Variants in ACAA1 observed in about 807,000 individuals in gnomAD.
The protein encoded by ACAA1 is 3-ketoacyl-CoA thiolase, peroxisomal.
A neutral mutation model predicts 48.8 loss-of-function variants in ACAA1; 44 were observed. The ratio of observed to expected loss-of-function variants is 0.90; its 90% CI spans 0.71 to 1.16. The LOEUF (loss-of-function observed/expected upper bound fraction) is 1.16, where lower values mean the gene tolerates loss of function less well. Ranked by LOEUF, ACAA1 falls within the 50% of genes most tolerant of loss-of-function variation. The pLI, the probability that ACAA1 is intolerant of heterozygous loss-of-function variation, is 0.00. For synonymous variants in ACAA1, 233 were observed against 226.5 expected (o/e 1.03, Z -0.26); for missense variants, 512 against 562.3 (o/e 0.91, Z 0.90).
In ACAA1 at chr3:38,136,952, G is replaced by C. The variant is rs768053072; in HGVS notation, c.84C>G (p.Ser28Arg). The change falls in exon 1 of 12, where the codon AGC (serine) becomes AGG (arginine). Residue 28 changes from serine (S) to arginine (R), a missense_variant. Transcript: ENST00000333167. ...CCGCGGCCGAGGCCTGCGGGGCACC[G>C]CTCAGGCAAGGCGCGGCCTGCGGCA... ...GWMPQAAPCL[S>R]GAPQASAADV... 6.5e-6 allele frequency: 10 copies of C among 1,547,828 alleles called. No individual in the cohort carries two copies. The highest frequency in any genetic ancestry group is 1.4e-5 in the African/African-American group (1 of 72,364).
intron 3 of ACAA1, chr3:38,132,213 C>T (rs1412193796): frequency 2.4e-6 from 1 of 416,086 alleles, no homozygotes; most frequent in African/African-American, 2.0e-5. Flanking sequence ...CACTTGCTCC[C>T]CAGGGCCCCA....
In ACAA1 at chr3:38,137,051, T is replaced by G; in HGVS notation, c.-16A>C. ...GCCTCTGCATTGCGCAGGTCAACCC[T>G]GCAGACCAGCCACCAGTCCGGGAAC... On this transcript the variant is annotated 5_prime_UTR_variant, in exon 1 of 12. Transcript: ENST00000333167. The G allele has an allele frequency of 1.3e-6, 2 of 1,541,982 alleles. No homozygotes were observed. The highest frequency in any genetic ancestry group is 1.7e-6 in the Non-Finnish European group (2 of 1,147,686).
chr3:38,126,093 G>A lies in ACAA1; in HGVS notation c.997+69C>T. 2 of 1,560,504 alleles carry A rather than the reference G, an allele frequency of 1.3e-6. No homozygotes were observed. The highest frequency in any genetic ancestry group is 1.4e-5 in the African/African-American group (1 of 74,010). On this transcript the variant is annotated intron_variant, in intron 9 of 11. Transcript: ENST00000333167. The surrounding 1 kb of genome is among the most constrained non-coding windows in gnomAD (Gnocchi z 4.7). Reference sequence around the variant, plus strand: ...CCCACAGGACCACCCTCATGCCCCTGGCAACAGCATGCAGGGCAGCTGCAG... The same window carrying A: ...CCCACAGGACCACCCTCATGCCCCTAGCAACAGCATGCAGGGCAGCTGCAG...
chr3:38,129,207 C>G lies in ACAA1; in HGVS notation c.545+83G>C. 3 of 1,279,334 alleles carry G rather than the reference C, an allele frequency of 2.3e-6. No individual in the cohort carries two copies. The South Asian group carries it at 3.8e-5, about 16-fold the overall frequency. The allele number at this position is 1,279,334 out of a possible 1,614,324, so 79.2% of individuals were successfully genotyped here. A position where few individuals can be genotyped will look rare whatever the true frequency, so the allele number is the denominator to read the frequency against. On this transcript the variant is annotated intron_variant, in intron 6 of 11. Transcript: ENST00000333167. This position sits in a 1 kb window ranked among gnomAD's most constrained non-coding sequence, Gnocchi z 5.3. ...GAAGGAGGCCAAGGCTTGGCACCAC[C>G]AGCCACAGAGATGATAAAAGTTCCT...
intron 11 of ACAA1, chr3:38,125,282 G>C (rs543867073): frequency 1.4e-4 from 42 of 303,916 alleles, no homozygotes; most frequent in African/African-American, 8.6e-4. Flanking sequence ...TAGACAGTAA[G>C]GATTTTTCTC....
intron 2 of ACAA1, chr3:38,134,334 G>C: frequency 2.3e-6 from 1 of 431,932 alleles, no homozygotes; most frequent in Non-Finnish European, 4.3e-6. Context: ...ATCTCCCCAG[G>C]TATCCTCCTG....
In ACAA1 at chr3:38,136,687, T is replaced by C; in HGVS notation, c.172-2A>G. ...GAGAAGCTCGTCGGGGGTGGTGTCCTGCAGCAGAAAGAGCAGCCGCAGTGA... is the reference window on the plus strand; with the variant it reads ...GAGAAGCTCGTCGGGGGTGGTGTCCCGCAGCAGAAAGAGCAGCCGCAGTGA... On this transcript the variant is annotated splice_acceptor_variant, in intron 1 of 11. Transcript: ENST00000333167. LOFTEE classifies it high-confidence loss of function. 1 of 1,608,344 alleles carries C rather than the reference T, an allele frequency of 6.2e-7. No individual in the cohort carries two copies. The highest frequency in any genetic ancestry group is 8.5e-7 in the Non-Finnish European group (1 of 1,176,644).
chr3:38,136,625 G>C lies in ACAA1; in HGVS notation c.232C>G (p.Leu78Val). 6.2e-7 allele frequency: 1 copy of C among 1,614,082 alleles called. No homozygotes were observed. The highest frequency in any genetic ancestry group is 1.1e-5 in the South Asian group (1 of 91,082). ...VMTAVLKDVN[L>V]RPEQLGDICV... is the part of the protein sequence containing the mutation. ...ATGTCCCCCAGCTGTTCCGGCCTCA[G>C]ATTCACGTCCTTGAGAACCGCGGTC... is the stretch of plus-strand genomic sequence containing the variant. The change falls in exon 2 of 12, where the codon CTG (leucine) becomes GTG (valine). Residue 78 changes from leucine (L) to valine (V), a missense_variant. By Grantham distance (32) the Leu-to-Val change is conservative. Transcript: ENST00000333167.
In ACAA1 at chr3:38,123,137, C is replaced by T; in HGVS notation, c.1200-15G>A. The T allele has an allele frequency of 1.2e-6, 2 of 1,614,012 alleles. No individual in the cohort carries two copies. Among genetic ancestry groups the T allele is most frequent in the Non-Finnish European group, 1.7e-6 (2 of 1,179,900 alleles). On this transcript the variant is annotated splice_polypyrimidine_tract_variant and intron_variant, in intron 11 of 11. Transcript: ENST00000333167. ...CTCCGTATGCCCTGTGAAAACAAAA[C>T]TTAATTGGCTGGGCAAAGGCACCCA... is the stretch of plus-strand genomic sequence containing the variant.
intron 11 of ACAA1, chr3:38,124,056 A>G (rs1170518230): frequency 6.6e-6 from 1 of 152,036 alleles, no homozygotes; most frequent in East Asian, 1.9e-4. Flanking sequence ...TTTATTTGAG[A>G]AACAAAAACA....
intron 5 of ACAA1, among the ~76,000 whole-genome samples, chr3:38,130,920 C>A (rs73827608): frequency 0.057 from 8,630 of 152,282 alleles, 265 homozygotes; most frequent in Middle Eastern, 0.14. Context: ...GCTCACCTCC[C>A]CCAGCCTGCC....
rs571095774 is a variant in ACAA1 at position 38,137,066 on chromosome 3, A to C, written c.-31T>G. 3.3e-6 allele frequency: 5 copies of C among 1,519,170 alleles called. No individual in the cohort carries two copies. In the East Asian group the frequency reaches 1.1e-4, roughly 32 times the overall value. 94.1% of individuals were successfully genotyped at this position (1,519,170 alleles called of 1,614,324 possible). ...AGGTCAACCCTGCAGACCAGCCACC[A>C]GTCCGGGAACTGACCGCGGAGTTAA... On this transcript the variant is annotated 5_prime_UTR_variant, in exon 1 of 12. Coordinates refer to ENST00000333167, the MANE Select transcript of ACAA1 (RefSeq NM_001607.4).
Position 38,126,398 on chromosome 3 carries a change from C to A in ACAA1, c.818-57G>T. On this transcript the variant is annotated intron_variant, in intron 8 of 11. Transcript: ENST00000333167. The surrounding 1 kb of genome is among the most constrained non-coding windows in gnomAD (Gnocchi z 4.7). ...CGGGGTGGGGATGAGGAGATCCCAG[C>A]CCTCCCACTTCTACTTTGCAGAGGG... The A allele has an allele frequency of 2.5e-6, 4 of 1,604,446 alleles. No homozygotes were observed. Among genetic ancestry groups the A allele is most frequent in the African/African-American group, 1.3e-5 (1 of 74,772 alleles).
At chr3:38,136,388 CTT>C (rs1178408249) in intron 2 of ACAA1, among the ~76,000 whole-genome samples, 2 of 152,230 alleles carry the variant, frequency 1.3e-5, no homozygotes, top group African/African-American at 4.8e-5. Flanking sequence ...CCACTCTACA[CTT>C]TGTCTCTGCG....
chr3:38,131,492 G>C, intron 5 of ACAA1, 104 bp downstream of exon 5: 1 of 1,263,228 alleles, frequency 7.9e-7, no homozygotes, highest in Non-Finnish European at 1.2e-6. Context: ...GCTGCCTAAA[G>C]GGGATGGGGG....
rs543905984 is a variant in ACAA1 at position 38,136,763 on chromosome 3, T to C, written c.172-78A>G. ...GGGAGACAAAGCGACCACAGCTGGG[T>C]GCGGAGCTGCCTCCGGCGTCCAGGA... On this transcript the variant is annotated intron_variant, in intron 1 of 11. Coordinates refer to ENST00000333167, the MANE Select transcript of ACAA1 (RefSeq NM_001607.4). The C allele has an allele frequency of 8.0e-6, 12 of 1,494,690 alleles. No homozygotes were observed. The South Asian group carries it at 1.2e-4, about 15-fold the overall frequency. The allele number at this position is 1,494,690 out of a possible 1,614,324, so 92.6% of individuals were successfully genotyped here.
At position 38,123,027 on chromosome 3, in the gene ACAA1, C is replaced by G; in HGVS notation, c.*20G>C. 3 of 1,613,506 alleles carry G rather than the reference C, an allele frequency of 1.9e-6. No individual in the cohort carries two copies. The highest frequency in any genetic ancestry group is 2.5e-6 in the Non-Finnish European group (3 of 1,179,592). On this transcript the variant is annotated 3_prime_UTR_variant, in exon 12 of 12. Transcript: ENST00000333167. Reference sequence around the variant, plus strand: ...GAGCAGCAGGACTGTCTGCGTAGCGCCTCCAGCCTGGGACCTCACTCAGTT... The same window carrying G: ...GAGCAGCAGGACTGTCTGCGTAGCGGCTCCAGCCTGGGACCTCACTCAGTT...
intron 2 of ACAA1, chr3:38,134,590 T>A: frequency 2.2e-6 from 1 of 451,624 alleles, no homozygotes; most frequent in Non-Finnish European, 4.4e-6. Context: ...TGAGATGCTG[T>A]TAATCTGTAA....
In ACAA1 at chr3:38,136,694, G is replaced by T. The variant is rs374322144; in HGVS notation, c.172-9C>A. ...TCGTCGGGGGTGGTGTCCTGCAGCAGAAAGAGCAGCCGCAGTGACCCCCAC... is the reference window on the plus strand; with the variant it reads ...TCGTCGGGGGTGGTGTCCTGCAGCATAAAGAGCAGCCGCAGTGACCCCCAC... On this transcript the variant is annotated splice_polypyrimidine_tract_variant and intron_variant, in intron 1 of 11. Coordinates refer to ENST00000333167, the MANE Select transcript of ACAA1 (RefSeq NM_001607.4). The T allele has an allele frequency of 1.4e-5, 22 of 1,604,612 alleles. No individual in the cohort carries two copies. Among genetic ancestry groups the T allele is most frequent in the Non-Finnish European group, 1.7e-5 (20 of 1,174,656 alleles).
Sources: gnomAD v4.1 joint callset for allele counts (sites outside exome capture counted in the v4.1 genomes callset) on GRCh38, gnomAD v4.1.1 for gene constraint, Gnocchi (gnomAD v3.1) non-coding constraint, MANE v1.5 for transcripts, NCBI Gene and HGNC (gene_info 2026-07-23, HGNC 2026-07-21) for gene names.